SLC35D1: variants seen among roughly 807,000 people sequenced by gnomAD.
SLC35D1 encodes nucleotide sugar transporter SLC35D1.
Under a neutral mutation model 46.7 loss-of-function variants are expected in SLC35D1, and 31 were observed. That is an observed-to-expected ratio of 0.66 (90% CI 0.50 to 0.90). The LOEUF is 0.90. SLC35D1 is among the 40% of genes least tolerant of loss of function. The pLI is 0.00. For synonymous variants in SLC35D1, 195 were observed against 164.6 expected, an observed-to-expected ratio of 1.18 and a Z score of -1.41; for missense variants, 397 against 426.2, an observed-to-expected ratio of 0.93 and a Z score of 0.60.
At chr1:66,985,062 A>AT in the SLC35D1 span, 11 of 1,355,802 alleles carry the variant, frequency 8.1e-6, no homozygotes, top group Admixed American at 3.6e-5. Context: ...CCTTTTGCAG[A>AT]TTTTTTTACT....
the SLC35D1 span, among the ~76,000 whole-genome samples, chr1:66,979,778 T>A: frequency 3.3e-5 from 5 of 151,628 alleles, no homozygotes; most frequent in Non-Finnish European, 5.9e-5. Context: ...TTTTTTTTTT[T>A]AAAGACGGAG....
At chr1:67,019,945 G>C (rs1667762680) in intron 10 of SLC35D1, among the ~76,000 whole-genome samples, 1 of 152,084 alleles carries the variant, frequency 6.6e-6, no homozygotes, top group East Asian at 1.9e-4. Flanking sequence ...TTTAAGGTTT[G>C]GCTCAGGCAT....
At chr1:67,037,498 A>G (rs925455830) in intron 8 of SLC35D1, among the ~76,000 whole-genome samples, 7 of 146,616 alleles carry the variant, frequency 4.8e-5, no homozygotes, top group African/African-American at 1.9e-4. Flanking sequence ...TGTCTTGGTA[A>G]ACAGTCTCAG....
chr1:67,024,088 G>T (rs1045359445), intron 8 of SLC35D1, among the ~76,000 whole-genome samples: 1 of 151,726 alleles, frequency 6.6e-6, no homozygotes, highest in Non-Finnish European at 1.5e-5. Flanking sequence ...GGGATTACAG[G>T]TGCATGCCAC....
At chr1:66,999,048 T>A (rs1341240241), downstream of SLC35D1, among the ~76,000 whole-genome samples, 4 of 152,206 alleles carry the variant, frequency 2.6e-5, no homozygotes, top group Non-Finnish European at 5.9e-5. Flanking sequence ...CACACCTTAA[T>A]GTGCTTCCAC....
chr1:67,011,048 T>A (rs1335718219), intron 10 of SLC35D1, among the ~76,000 whole-genome samples: 2 of 152,174 alleles, frequency 1.3e-5, no homozygotes, highest in Admixed American at 1.3e-4. Flanking sequence ...TTCATCTGTA[T>A]AACAAGACCA....
the SLC35D1 span, chr1:66,976,731 A>T: frequency 7.6e-6 from 12 of 1,569,132 alleles, no homozygotes; most frequent in Non-Finnish European, 1.0e-5. Flanking sequence ...ACGTGAGTTA[A>T]TTTTTTCCTT....
In SLC35D1 at chr1:67,054,052, C is replaced by T; in HGVS notation, c.-39G>A. 5.0e-6 allele frequency: 8 copies of T among 1,599,002 alleles called. No individual in the cohort carries two copies. Among genetic ancestry groups the T allele is most frequent in the African/African-American group, 1.3e-5 (1 of 74,478 alleles). The stretch of plus-strand genomic sequence containing the variant: ...GCGGTGGCCTGGCGGCGGGGCCTAG[C>T]GGCTCGGGGGCCTGCAGCGGCAGCT... On this transcript the variant is annotated 5_prime_UTR_variant, in exon 1 of 12. Transcript: ENST00000235345.
At chr1:66,978,934 C>T in the SLC35D1 span, among the ~76,000 whole-genome samples, 1 of 152,198 alleles carries the variant, frequency 6.6e-6, no homozygotes, top group African/African-American at 2.4e-5. Context: ...ACTTTAATGA[C>T]TCTTAAGGTT....
intron 7 of SLC35D1, 92 bp downstream of exon 7, chr1:67,047,173 A>G (rs1302832722): frequency 3.2e-6 from 3 of 941,328 alleles, no homozygotes; most frequent in African/African-American, 1.6e-5. Context: ...TCTCATCCCC[A>G]GTAAGAACTT....
In SLC35D1 at chr1:67,002,003, A is replaced by G. The variant is rs554381376; in HGVS notation, c.*2337T>C. 6 of 152,526 alleles carry G rather than the reference A, an allele frequency of 3.9e-5. No individual in the cohort carries two copies. The highest frequency in any genetic ancestry group is 3.8e-4 in the East Asian group (2 of 5,330). 9.4% of individuals were successfully genotyped at this position (152,526 alleles called of 1,614,324 possible). On this transcript the variant is annotated 3_prime_UTR_variant, in exon 12 of 12. Transcript: ENST00000235345. ...GATCTCCTAGGGAACCTGACCCCCA[A>G]GAGGCAGTTCAACTCCTGGTGGGGC...
chr1:66,998,349 C>T (rs746706527), downstream of SLC35D1, among the ~76,000 whole-genome samples: 9 of 151,926 alleles, frequency 5.9e-5, no homozygotes, highest in Non-Finnish European at 7.4e-5. Flanking sequence ...ATTAGATGGG[C>T]GTGGTGGTGC....
chr1:66,986,196 A>T, the SLC35D1 span: 1 of 1,250,614 alleles, frequency 8.0e-7, no homozygotes, highest in Non-Finnish European at 1.0e-6. Context: ...AGATTTGATA[A>T]TGCTTTTCCA....
intron 8 of SLC35D1, among the ~76,000 whole-genome samples, chr1:67,031,116 A>T (rs1480702489): frequency 1.3e-5 from 2 of 152,238 alleles, no homozygotes; most frequent in Non-Finnish European, 1.5e-5. Context: ...TGATATCTGC[A>T]GGACATTAAA....
chr1:66,973,816 A>G, the SLC35D1 span, among the ~76,000 whole-genome samples: 1 of 152,090 alleles, frequency 6.6e-6, no homozygotes, highest in Non-Finnish European at 1.5e-5. Flanking sequence ...GTTAGTAGAA[A>G]TGACAAGGGT....
chr1:67,023,279 T>A (rs1164551496), intron 8 of SLC35D1, among the ~76,000 whole-genome samples: 1 of 152,186 alleles, frequency 6.6e-6, no homozygotes, highest in Non-Finnish European at 1.5e-5. Context: ...TACACAATTT[T>A]GTATTCTCAC....
the SLC35D1 span, chr1:66,981,963 A>G: frequency 6.2e-7 from 1 of 1,600,532 alleles, no homozygotes; most frequent in African/African-American, 1.3e-5. Flanking sequence ...AATAAGGGAC[A>G]CTTTCTTGCA....
At chr1:66,984,526 T>G in the SLC35D1 span, 1 of 1,413,108 alleles carries the variant, frequency 7.1e-7, no homozygotes, top group Admixed American at 2.3e-5. Context: ...TTTGCAAATT[T>G]AACTTTTTTC....
At chr1:67,040,161 T>C (rs539465666) in intron 8 of SLC35D1, among the ~76,000 whole-genome samples, 20 of 152,144 alleles carry the variant, frequency 1.3e-4, no homozygotes, top group Non-Finnish European at 1.9e-4. Context: ...TTTGTGCTAA[T>C]TTTTTTGGAA....
Sources: gnomAD v4.1 joint callset for allele counts (sites outside exome capture counted in the v4.1 genomes callset) on GRCh38, gnomAD v4.1.1 for gene constraint, MANE v1.5 for transcripts, NCBI Gene and HGNC (gene_info 2026-07-23, HGNC 2026-07-21) for gene names.